Variants in EPM2A observed in about 807,000 individuals in gnomAD.
EPM2A encodes the protein laforin.
EPM2A carries 21 observed loss-of-function variants against 26.5 expected under a neutral mutation model. The observed-to-expected ratio is 0.79, with a 90% CI of 0.56 to 1.14. The LOEUF (loss-of-function observed/expected upper bound fraction) is 1.14. Ranked by LOEUF, EPM2A falls within the 50% of genes most tolerant of loss-of-function variation. The pLI, the probability that EPM2A is intolerant of heterozygous loss-of-function variation, is 0.00. For synonymous variants in EPM2A, 217 were observed against 177.6 expected (o/e 1.22, Z -1.76); for missense variants, 458 against 440.8 (o/e 1.04, Z -0.35).
At chr6:145,692,550 A>G (rs1781342109) in intron 1 of EPM2A, among the ~76,000 whole-genome samples, 1 of 152,056 alleles carries the variant, frequency 6.6e-6, no homozygotes, top group Non-Finnish European at 1.5e-5. Flanking sequence ...AAATAGTTTT[A>G]GGTTTTATAT....
At chr6:145,628,740 G>T (rs1776020712) in intron 3 of EPM2A, 1 of 152,226 alleles carries the variant, frequency 6.6e-6, no homozygotes, top group Non-Finnish European at 1.5e-5. Flanking sequence ...ATCCTTATTG[G>T]ATGACCAAAG....
chr6:145,488,827 A>G (rs1206205057), intron 4 of EPM2A, among the ~76,000 whole-genome samples: 3 of 152,202 alleles, frequency 2.0e-5, no homozygotes, highest in Non-Finnish European at 4.4e-5. Context: ...AAAGTTTACC[A>G]CAGAGGTAAA....
Position 145,675,629 on chromosome 6 carries a change from T to C in EPM2A, c.476+10493A>G, listed in dbSNP as rs560904363. On this transcript the variant is annotated intron_variant, in intron 2 of 3. Transcript: ENST00000367519. ...ATGGAAAGCAAGAAAAAGCAGGGGT[T>C]GCAATCCTAGTCACCAATAAAACAG... Among the ~76,000 whole-genome samples, 177 of 152,288 alleles carry C rather than the reference T, an allele frequency of 1.2e-3. 1 individual carries two copies. Among genetic ancestry groups the C allele is most frequent in the African/African-American group, 3.9e-3 (163 of 41,556 alleles).
chr6:145,395,111 GC>G (rs1374675123), intron 4 of EPM2A, among the ~76,000 whole-genome samples: 1 of 34,860 alleles, frequency 2.9e-5, no homozygotes, highest in Non-Finnish European at 6.5e-5. Flanking sequence ...CACCTTTAAG[GC>G]ATTTTTTCCT....
chr6:145,530,106 C>T (rs533518735), intron 2 of EPM2A, among the ~76,000 whole-genome samples: 9 of 152,278 alleles, frequency 5.9e-5, no homozygotes, highest in Non-Finnish European at 1.2e-4. Flanking sequence ...TCTGCTCCTT[C>T]CTCTGCCCAG....
intron 2 of EPM2A, among the ~76,000 whole-genome samples, chr6:145,670,608 G>A (rs918925113): frequency 6.6e-6 from 1 of 152,042 alleles, no homozygotes; most frequent in African/African-American, 2.4e-5. Flanking sequence ...TAAGAAACAA[G>A]AATTAAGGGA....
rs775333578 is a variant in EPM2A, at chr6:145,431,766, C to T, written c.556-47669G>A. ...AAGACAACAATGAAGTTAGCCACAC[C>T]GATGGACTCTTCCTTTCATAAATAA... On this transcript the variant is annotated intron_variant, in intron 4 of 4. Coordinates refer to the EPM2A transcript ENST00000638717. Among the ~76,000 whole-genome samples, 19 of 152,252 alleles carry T rather than the reference C, an allele frequency of 1.2e-4. 1 individual carries two copies. The highest frequency in any genetic ancestry group is 3.6e-4 in the African/African-American group (15 of 41,566).
intron 2 of EPM2A, among the ~76,000 whole-genome samples, chr6:145,574,566 A>G (rs1248111158): frequency 6.6e-6 from 1 of 152,178 alleles, no homozygotes; most frequent in Non-Finnish European, 1.5e-5. Context: ...TTCACAAGGC[A>G]TTGGTCAAGG....
intron 2 of EPM2A, among the ~76,000 whole-genome samples, chr6:145,529,575 A>C (rs981526704): frequency 6.6e-6 from 1 of 152,234 alleles, no homozygotes; most frequent in South Asian, 2.1e-4. Flanking sequence ...TTACACATTA[A>C]TAGAATATAG....
intron 2 of EPM2A, among the ~76,000 whole-genome samples, chr6:145,618,515 C>T (rs1201910708): frequency 6.6e-6 from 1 of 152,180 alleles, no homozygotes; most frequent in African/African-American, 2.4e-5. Context: ...TTAATCATGG[C>T]AGTGGTCATC....
At chr6:145,681,658 C>T (rs1780547240) in intron 2 of EPM2A, among the ~76,000 whole-genome samples, 1 of 151,668 alleles carries the variant, frequency 6.6e-6, no homozygotes, top group East Asian at 1.9e-4. Context: ...GAATCCTTTC[C>T]CCATTGCTTG....
chr6:145,590,932 AC>A (rs1380739012), intron 2 of EPM2A, among the ~76,000 whole-genome samples: 1 of 152,210 alleles, frequency 6.6e-6, no homozygotes, highest in East Asian at 1.9e-4. Flanking sequence ...GAAATATCAA[AC>A]AGAAAATTTT....
chr6:145,459,786 A>G (rs1779305854), intron 4 of EPM2A, among the ~76,000 whole-genome samples: 1 of 152,156 alleles, frequency 6.6e-6, no homozygotes, highest in African/African-American at 2.4e-5. Flanking sequence ...AACTTATCAC[A>G]GATTTATTAA....
At chr6:145,564,903 C>T (rs1442970795) in intron 2 of EPM2A, among the ~76,000 whole-genome samples, 1 of 152,102 alleles carries the variant, frequency 6.6e-6, no homozygotes, top group Non-Finnish European at 1.5e-5. Flanking sequence ...TTAAATTTCC[C>T]TGATGCTTAT....
chr6:145,699,470 A>G (rs935190860), intron 1 of EPM2A, among the ~76,000 whole-genome samples: 17 of 152,176 alleles, frequency 1.1e-4, no homozygotes, highest in African/African-American at 3.9e-4. Flanking sequence ...AAAATGGACT[A>G]TGTTGGAGAA....
At chr6:145,701,938 G>T (rs77578274) in intron 1 of EPM2A, among the ~76,000 whole-genome samples, 2,353 of 152,236 alleles carry the variant, frequency 0.015, 67 homozygotes, top group African/African-American at 0.053. Context: ...AAGAAAGAGA[G>T]TACCAGTTAT....
chr6:145,400,680 G>T (rs1220630609), intron 4 of EPM2A, among the ~76,000 whole-genome samples: 1 of 152,148 alleles, frequency 6.6e-6, no homozygotes, highest in Non-Finnish European at 1.5e-5. Flanking sequence ...AAGTGAACAT[G>T]GAACATAGGC....
chr6:145,643,025 C>T (rs909437605), intron 2 of EPM2A, among the ~76,000 whole-genome samples: 1 of 151,984 alleles, frequency 6.6e-6, no homozygotes. Flanking sequence ...GAGGGAAGAC[C>T]TTTCGGATGG....
At chr6:145,430,549 C>T (rs547400516) in intron 4 of EPM2A, among the ~76,000 whole-genome samples, 4 of 151,520 alleles carry the variant, frequency 2.6e-5, no homozygotes, top group South Asian at 2.1e-4. Context: ...TGCAGTGAGC[C>T]GAGATGGCAC....
Sources: allele counts gnomAD v4.1 joint callset (sites outside exome capture counted in the v4.1 genomes callset), GRCh38; gene constraint gnomAD v4.1.1; transcripts MANE v1.5; gene names NCBI Gene and HGNC (gene_info 2026-07-23, HGNC 2026-07-21).